GHR: variants seen among roughly 807,000 people sequenced by gnomAD.
GHR encodes growth hormone receptor, also known as GH receptor.
A neutral mutation model predicts 67.1 loss-of-function variants in GHR; 35 were observed. That is an observed-to-expected ratio of 0.52 (90% CI 0.40 to 0.69). The LOEUF (loss-of-function observed/expected upper bound fraction) is 0.69, where lower values mean the gene tolerates loss of function less well. GHR is among the 30% of genes least tolerant of loss of function. GHR has a pLI of 0.00. For synonymous variants in GHR, 272 were observed against 269.1 expected (o/e 1.01, Z -0.10); for missense variants, 792 against 764.6 (o/e 1.04, Z -0.42).
At chr5:42,656,951 T>A (rs1028253560) in intron 3 of GHR, among the ~76,000 whole-genome samples, 1 of 152,156 alleles carries the variant, frequency 6.6e-6, no homozygotes, top group Non-Finnish European at 1.5e-5. Context: ...TCTTTTTTTC[T>A]GGTTTCTTAT....
intron 1 of GHR, among the ~76,000 whole-genome samples, chr5:42,446,439 G>A (rs892377624): frequency 5.7e-4 from 86 of 152,202 alleles, no homozygotes; most frequent in African/African-American, 2.0e-3. Flanking sequence ...GAGAATGTTC[G>A]AGGGCAGGTG....
intron 3 of GHR, among the ~76,000 whole-genome samples, chr5:42,640,873 G>C (rs941340487): frequency 1.3e-5 from 2 of 151,832 alleles, no homozygotes; most frequent in African/African-American, 4.8e-5. Context: ...CTGCTTTTAT[G>C]TTCTGCTTTA....
intron 2 of GHR, among the ~76,000 whole-genome samples, chr5:42,619,379 G>T (rs1284344979): frequency 1.3e-5 from 2 of 151,728 alleles, no homozygotes; most frequent in Non-Finnish European, 2.9e-5. Flanking sequence ...GCTTCATATT[G>T]CCTGGAATGT....
At chr5:42,431,857 T>G (rs1485255698) in intron 1 of GHR, among the ~76,000 whole-genome samples, 1 of 152,170 alleles carries the variant, frequency 6.6e-6, no homozygotes, top group Non-Finnish European at 1.5e-5. Flanking sequence ...TTGGAACACA[T>G]CAAGAGTTTG....
At chr5:42,493,020 A>G (rs1158356789) in intron 1 of GHR, among the ~76,000 whole-genome samples, 3 of 152,246 alleles carry the variant, frequency 2.0e-5, no homozygotes, top group Admixed American at 1.3e-4. Context: ...GTCAAAATCT[A>G]TGCTGTCAGG....
intron 1 of GHR, among the ~76,000 whole-genome samples, chr5:42,514,654 C>G (rs4437382): frequency 0.038 from 5,743 of 152,046 alleles, 356 homozygotes; most frequent in African/African-American, 0.13. Context: ...AATGCCCAGG[C>G]CTGTGCTTGG....
In GHR at chr5:42,621,411, G is replaced by A. The variant is rs112820580; in HGVS notation, c.71-7627G>A. On this transcript the variant is annotated intron_variant, in intron 2 of 9. Transcript: ENST00000230882. ...CTAGTATCTGTCTGTAATTGCAAGCGGATATCTCAGCACATGCACAAGCTT... is the reference window on the plus strand; with the variant it reads ...CTAGTATCTGTCTGTAATTGCAAGCAGATATCTCAGCACATGCACAAGCTT... 8.3e-3 allele frequency among the ~76,000 whole-genome samples: 1,263 copies of A among 152,112 alleles called. 11 individuals are homozygous for A. The highest frequency in any genetic ancestry group is 0.024 in the Middle Eastern group (7 of 294).
At chr5:42,673,404 G>T (rs1439394434) in intron 3 of GHR, among the ~76,000 whole-genome samples, 2 of 152,188 alleles carry the variant, frequency 1.3e-5, no homozygotes, top group Admixed American at 1.3e-4. Flanking sequence ...CAATCCCACT[G>T]GGTATATATC....
chr5:42,580,110 T>A (rs767533444), intron 2 of GHR, among the ~76,000 whole-genome samples: 1 of 152,212 alleles, frequency 6.6e-6, no homozygotes, highest in African/African-American at 2.4e-5. Flanking sequence ...ATCCATACTA[T>A]GATTCAGTGA....
chr5:42,712,855 A>G (rs972768875), intron 7 of GHR, among the ~76,000 whole-genome samples: 1 of 150,656 alleles, frequency 6.6e-6, no homozygotes, highest in African/African-American at 2.4e-5. Context: ...TACATGAGAT[A>G]TATTTATTAT....
intron 1 of GHR, among the ~76,000 whole-genome samples, chr5:42,514,532 T>C (rs1182925383): frequency 1.3e-5 from 2 of 150,514 alleles, no homozygotes; most frequent in Non-Finnish European, 3.0e-5. Flanking sequence ...TATAAATGGG[T>C]AATTCAGCAG....
rs898808919 is a variant in GHR at position 42,721,622 on chromosome 5, C to T, written c.*2198C>T. The T allele has an allele frequency of 3.3e-5, 5 of 152,640 alleles. No individual in the cohort carries two copies. Among genetic ancestry groups the T allele is most frequent in the African/African-American group, 7.2e-5 (3 of 41,462 alleles). 9.5% of individuals were successfully genotyped at this position (152,640 alleles called of 1,614,324 possible). A position where few individuals can be genotyped will look rare whatever the true frequency, so the allele number is the denominator to read the frequency against. ...GCTGTGTGTTTGGAAGACTATCTTA[C>T]TATTTCACAACAGCCTGACAACATT... On this transcript the variant is annotated 3_prime_UTR_variant, in exon 10 of 10. Coordinates refer to ENST00000230882, the MANE Select transcript of GHR (RefSeq NM_000163.5).
At chr5:42,554,349 A>G (rs963974328) in intron 1 of GHR, among the ~76,000 whole-genome samples, 6 of 152,190 alleles carry the variant, frequency 3.9e-5, no homozygotes, top group African/African-American at 1.4e-4. Context: ...TACAAAAAAA[A>G]AAAAATTTGA....
chr5:42,456,307 C>T (rs1744257924), intron 1 of GHR, among the ~76,000 whole-genome samples: 1 of 152,132 alleles, frequency 6.6e-6, no homozygotes, highest in African/African-American at 2.4e-5. Context: ...GAGACTCCGT[C>T]TCAAAATAAA....
At chr5:42,654,525 T>C (rs1755159308) in intron 3 of GHR, among the ~76,000 whole-genome samples, 1 of 152,140 alleles carries the variant, frequency 6.6e-6, no homozygotes, top group Non-Finnish European at 1.5e-5. Flanking sequence ...TATTACACTG[T>C]CTTCCAAATG....
chr5:42,714,349 A>T (rs1758616945), intron 8 of GHR: 1 of 152,220 alleles, frequency 6.6e-6, no homozygotes, highest in African/African-American at 2.4e-5. Context: ...CCTCAGTTCC[A>T]GGTAACCAAG....
At chr5:42,430,831 G>A (rs1313853468) in intron 1 of GHR, among the ~76,000 whole-genome samples, 2 of 151,944 alleles carry the variant, frequency 1.3e-5, no homozygotes, top group Non-Finnish European at 2.9e-5. Flanking sequence ...GAGACCCATT[G>A]GCAAGTACTT....
intron 2 of GHR, among the ~76,000 whole-genome samples, chr5:42,602,347 G>A (rs890668715): frequency 5.3e-5 from 8 of 152,216 alleles, no homozygotes; most frequent in South Asian, 4.1e-4. Flanking sequence ...GAGGGGGGCC[G>A]TACCATTTGC....
chr5:42,459,075 G>A (rs1744379035), intron 1 of GHR, among the ~76,000 whole-genome samples: 1 of 152,226 alleles, frequency 6.6e-6, no homozygotes, highest in Middle Eastern at 3.4e-3. Context: ...AATTAGTTCA[G>A]CAATTGTGGT....
Sources: allele counts gnomAD v4.1 joint callset (sites outside exome capture counted in the v4.1 genomes callset), GRCh38; gene constraint gnomAD v4.1.1; transcripts MANE v1.5; gene names NCBI Gene and HGNC (gene_info 2026-07-23, HGNC 2026-07-21).